CCDC18: variants seen among roughly 807,000 people sequenced by gnomAD.
CCDC18 encodes coiled-coil domain containing 18.
A neutral mutation model predicts 196.0 loss-of-function variants in CCDC18; 157 were observed. The observed-to-expected ratio is 0.80, with a 90% CI of 0.70 to 0.91. The LOEUF is 0.91. Ranked by LOEUF, CCDC18 falls within the 40% of genes least tolerant of loss-of-function variation. The pLI is 0.00. For synonymous variants in CCDC18, 482 were observed against 529.2 expected (o/e 0.91, Z 1.22); for missense variants, 1,465 against 1,611.6 (o/e 0.91, Z 1.56).
In CCDC18 at chr1:93,201,900, G is replaced by A. The variant is rs527899280; in HGVS notation, c.707G>A (p.Arg236Gln). The change falls in exon 7 of 29, where the codon CGA becomes CAA. Residue 236 changes from arginine to glutamine, a missense_variant. By Grantham distance (43) the Arg-to-Gln change is conservative. Transcript: ENST00000690025. ...EQTKQGKRAE[R>Q]QRNEALYNAE... ...CTCTTTTTAAATTTTAGAGCTGAACGACAAAGGAATGAAGCACTATATAAT... is the reference window on the plus strand; with the variant it reads ...CTCTTTTTAAATTTTAGAGCTGAACAACAAAGGAATGAAGCACTATATAAT... The A allele has an allele frequency of 1.5e-4, 242 of 1,575,704 alleles. 2 individuals are homozygous for A. The South Asian group carries it at 2.3e-3, about 15-fold the overall frequency.
At chr1:93,272,812 G>C (rs1665390772) in intron 28 of CCDC18, among the ~76,000 whole-genome samples, 1 of 152,180 alleles carries the variant, frequency 6.6e-6, no homozygotes, top group African/African-American at 2.4e-5. Context: ...TTTAACATAA[G>C]AGAGAAAACA....
chr1:93,195,723 C>T (rs1471489755), intron 6 of CCDC18, among the ~76,000 whole-genome samples: 1 of 152,154 alleles, frequency 6.6e-6, no homozygotes, highest in East Asian at 1.9e-4. Context: ...GCATTTAAGG[C>T]ACCATCTTGG....
At chr1:93,269,177 C>CA (rs1341563517) in intron 27 of CCDC18, among the ~76,000 whole-genome samples, 3 of 149,384 alleles carry the variant, frequency 2.0e-5, no homozygotes, top group African/African-American at 4.9e-5. Flanking sequence ...ATTGCAAGGA[C>CA]AAAAAACCAA....
intron 12 of CCDC18, among the ~76,000 whole-genome samples, chr1:93,216,413 ATTTG>A (rs968170869): frequency 6.6e-6 from 1 of 152,146 alleles, no homozygotes; most frequent in African/African-American, 2.4e-5. Flanking sequence ...TGTTTTCAGT[ATTTG>A]TTTTTCTTCT....
chr1:93,261,588 A>C (rs551541136), intron 26 of CCDC18, among the ~76,000 whole-genome samples: 2 of 152,222 alleles, frequency 1.3e-5, no homozygotes, highest in South Asian at 4.1e-4. Context: ...AATGTATTTA[A>C]GCAAGACATG....
intron 23 of CCDC18, 150 bp downstream of exon 23, chr1:93,247,104 G>T: frequency 4.1e-6 from 2 of 490,692 alleles, no homozygotes; most frequent in Non-Finnish European, 7.4e-6. Flanking sequence ...TGTCACCCAG[G>T]CTGGAGAGCA....
At chr1:93,205,178 A>C (rs1654525221) in intron 7 of CCDC18, among the ~76,000 whole-genome samples, 1 of 152,128 alleles carries the variant, frequency 6.6e-6, no homozygotes, top group East Asian at 1.9e-4. Context: ...TTTGTGGTTC[A>C]AATTTCAAAA....
intron 6 of CCDC18, among the ~76,000 whole-genome samples, chr1:93,197,664 A>G (rs1190789404): frequency 6.6e-6 from 1 of 151,544 alleles, no homozygotes; most frequent in Non-Finnish European, 1.5e-5. Flanking sequence ...ACAGCCCATG[A>G]TGACTAAAAT....
chr1:93,180,120 G>T (rs1264791879), upstream of CCDC18: 1 of 1,613,816 alleles, frequency 6.2e-7, no homozygotes, highest in Non-Finnish European at 8.5e-7. Flanking sequence ...TCTGGCCGGC[G>T]GGAAGGGTAA....
At chr1:93,268,359 T>C (rs1664797133) in intron 27 of CCDC18, among the ~76,000 whole-genome samples, 1 of 151,516 alleles carries the variant, frequency 6.6e-6, no homozygotes, top group South Asian at 2.1e-4. Context: ...TGCCTAGGCA[T>C]GGGCATAGGC....
Position 93,258,780 on chromosome 1 carries a change from G to A in CCDC18, c.3579G>A (p.Leu1193=), listed in dbSNP as rs1462387986. ...DAHGNHLAEE[L]GASKVREAHL... ...ATGGAAACCATTTAGCTGAAGAACTGGGGGCTTCTAAAGTACGTGAAGCTC... is the reference window on the plus strand; with the variant it reads ...ATGGAAACCATTTAGCTGAAGAACTAGGGGCTTCTAAAGTACGTGAAGCTC... The change falls in exon 26 of 29, where the codon CTG becomes CTA. Residue 1193 remains leucine (L), a synonymous_variant. Coordinates refer to ENST00000690025, the MANE Select transcript of CCDC18 (RefSeq NM_001378204.1). The A allele has an allele frequency of 1.3e-6, 2 of 1,578,840 alleles. No individual in the cohort carries two copies. The highest frequency in any genetic ancestry group is 2.7e-5 in the African/African-American group (2 of 73,082).
chr1:93,269,263 C>G (rs1368757233), intron 27 of CCDC18, among the ~76,000 whole-genome samples: 1 of 113,576 alleles, frequency 8.8e-6, no homozygotes, highest in Non-Finnish European at 1.6e-5. Context: ...ACATCACACA[C>G]TGGGGCCTGT....
At chr1:93,227,405 C>T (rs1374979600) in intron 17 of CCDC18, among the ~76,000 whole-genome samples, 1 of 151,422 alleles carries the variant, frequency 6.6e-6, no homozygotes, top group African/African-American at 2.4e-5. Context: ...TGAACTCAGG[C>T]AATCCTGCCA....
chr1:93,196,865 G>C (rs2101736197), intron 6 of CCDC18, among the ~76,000 whole-genome samples: 1 of 152,270 alleles, frequency 6.6e-6, no homozygotes, highest in Admixed American at 6.5e-5. Context: ...AGTTAAGTTA[G>C]AATATAACTC....
Position 93,214,760 on chromosome 1 carries a change from C to A in CCDC18, c.1513C>A (p.Gln505Lys). The A allele has an allele frequency of 1.9e-6, 3 of 1,610,660 alleles. No homozygotes were observed. Among genetic ancestry groups the A allele is most frequent in the South Asian group, 1.1e-5 (1 of 90,688 alleles). ...TTTATTAGCAGAAAGCGTAAAAGATCAAAATCAACATACTATGAACAAGCA... is the reference window on the plus strand; with the variant it reads ...TTTATTAGCAGAAAGCGTAAAAGATAAAAATCAACATACTATGAACAAGCA... ...GHQVAESVKD[Q>K]NQHTMNKQYE... The change falls in exon 12 of 29, where the codon CAA becomes AAA. Residue 505 changes from glutamine to lysine, a missense_variant. Transcript: ENST00000690025.
intron 3 of CCDC18, among the ~76,000 whole-genome samples, chr1:93,185,156 G>GT (rs909138182): frequency 1.3e-5 from 2 of 151,860 alleles, no homozygotes; most frequent in Non-Finnish European, 2.9e-5. Context: ...TAAATTCAAA[G>GT]TGAAACTATA....
rs755476265 is a variant in CCDC18 at position 93,207,366 on chromosome 1, A to C, written c.1177A>C (p.Arg393=). The change falls in exon 9 of 29, where the codon AGA becomes CGA. Residue 393 remains arginine, a synonymous_variant. Coordinates refer to ENST00000690025, the MANE Select transcript of CCDC18 (RefSeq NM_001378204.1). The part of the protein sequence containing the change: ...QEIESSRVEL[R]SLEKIISQLP... Reference sequence around the variant, plus strand: ...AATTGAAAGTTCAAGGGTAGAACTAAGAAGTTTGGAAAAGATTATATCCCA... The same window carrying C: ...AATTGAAAGTTCAAGGGTAGAACTACGAAGTTTGGAAAAGATTATATCCCA... 4 of 1,605,300 alleles carry C rather than the reference A, an allele frequency of 2.5e-6. No individual in the cohort carries two copies.
At position 93,212,171 on chromosome 1, in the gene CCDC18, C is replaced by G. The variant is rs1401814360; in HGVS notation, c.1405C>G (p.Gln469Glu). 1 of 1,611,204 alleles carries G rather than the reference C, an allele frequency of 6.2e-7. No homozygotes were observed. The highest frequency in any genetic ancestry group is 8.5e-7 in the Non-Finnish European group (1 of 1,178,966). ...HANLTANQLS[Q>E]SLITCNDSQE... ...AAACCTGACTGCAAATCAGTTATCT[C>G]AGAGTCTTATTACTTGTAATGACAG... Residue 469 changes from glutamine (Q) to glutamate (E), a missense_variant, in exon 11 of 29, where the codon CAG becomes GAG. By Grantham distance (29) the Gln-to-Glu change is conservative (BLOSUM62 2). Transcript: ENST00000690025.
At position 93,193,671 on chromosome 1, in the gene CCDC18, A is replaced by T. The variant is rs1652218250; in HGVS notation, c.625A>T (p.Ser209Cys). 6.3e-7 allele frequency: 1 copy of T among 1,591,642 alleles called. No individual in the cohort carries two copies. Among genetic ancestry groups the T allele is most frequent in the Admixed American group, 1.8e-5 (1 of 55,836 alleles). Residue 209 changes from serine to cysteine, a missense_variant, in exon 6 of 29, where the codon AGT becomes TGT. Transcript: ENST00000690025. ...SQKMVIEKEQ[S>C]LQESKEECIK... The stretch of plus-strand genomic sequence containing the variant: ...GAAAATGGTAATTGAAAAGGAACAG[A>T]GTTTGCAGGAGTCCAAAGAGGAATG...
Sources: allele counts gnomAD v4.1 joint callset (sites outside exome capture counted in the v4.1 genomes callset), GRCh38; gene constraint gnomAD v4.1.1; transcripts MANE v1.5; gene names NCBI Gene and HGNC (gene_info 2026-07-23, HGNC 2026-07-21).